The following PDIA5 variants were observed in gnomAD, a reference collection of about 807,000 sequenced individuals.
PDIA5 encodes protein disulfide isomerase family A member 5.
In PDIA5, 58 loss-of-function variants were observed where a neutral mutation model predicts 77.6. The ratio of observed to expected loss-of-function variants is 0.75; its 90% CI spans 0.61 to 0.93. PDIA5 has a LOEUF of 0.93. PDIA5 is among the 40% of genes least tolerant of loss of function. The pLI is 0.00. For synonymous variants in PDIA5, 250 were observed against 252.1 expected (o/e 0.99, Z 0.08); for missense variants, 630 against 647.7 (o/e 0.97, Z 0.30).
intron 1 of PDIA5, among the ~76,000 whole-genome samples, chr3:123,078,508 T>TATAATATATG (rs1933914035): frequency 6.6e-6 from 1 of 152,234 alleles, no homozygotes; most frequent in South Asian, 2.1e-4. Context: ...ATGCCCTTTA[T>TATAATATATG]CTCAATTCCA....
At chr3:123,114,741 C>T (rs985786710) in intron 7 of PDIA5, among the ~76,000 whole-genome samples, 22 of 152,362 alleles carry the variant, frequency 1.4e-4, no homozygotes, top group African/African-American at 4.6e-4. Flanking sequence ...GGTGTTCGCA[C>T]TGAGGTGGCA....
rs150165151 is a variant in PDIA5 at position 123,131,839 on chromosome 3, G to A, written c.910+1223G>A. On this transcript the variant is annotated intron_variant, in intron 11 of 16. Transcript: ENST00000316218. ...CCCCTGGGAAGGCAGACAAGGCCGC[G>A]TGAGAGCCAGGGGATGGCAGGTGTG... Among the ~76,000 whole-genome samples, 436 of 152,040 alleles carry A rather than the reference G, an allele frequency of 2.9e-3. 5 individuals carry two copies. Among genetic ancestry groups the A allele is most frequent in the East Asian group, 0.02 (105 of 5,168 alleles).
intron 11 of PDIA5, among the ~76,000 whole-genome samples, chr3:123,142,306 T>C (rs1423211076): frequency 6.6e-6 from 1 of 152,268 alleles, no homozygotes; most frequent in Non-Finnish European, 1.5e-5. Flanking sequence ...AAATGGGCTT[T>C]TGCGGTTGCC....
chr3:123,133,862 T>C (rs564260437), intron 11 of PDIA5, among the ~76,000 whole-genome samples: 2 of 152,330 alleles, frequency 1.3e-5, no homozygotes, highest in South Asian at 2.1e-4. Flanking sequence ...GTAATACATG[T>C]ACATTTTATC....
chr3:123,079,924 G>C (rs1362205525), intron 1 of PDIA5, among the ~76,000 whole-genome samples: 1 of 152,020 alleles, frequency 6.6e-6, no homozygotes, highest in African/African-American at 2.4e-5. Context: ...GAGAGCCTAG[G>C]TATTTATTTC....
intron 7 of PDIA5, among the ~76,000 whole-genome samples, chr3:123,112,758 C>G (rs1934896557): frequency 1.3e-5 from 2 of 152,056 alleles, no homozygotes; most frequent in South Asian, 4.1e-4. Context: ...TGGGGCTTCA[C>G]CATGTTGCCC....
chr3:123,114,868 C>T (rs1934956302), intron 7 of PDIA5, among the ~76,000 whole-genome samples: 1 of 152,154 alleles, frequency 6.6e-6, no homozygotes, highest in Non-Finnish European at 1.5e-5. Flanking sequence ...AACTTAAGCC[C>T]AGGGTTCGCG....
chr3:123,103,403 C>A (rs2107934045), intron 5 of PDIA5, among the ~76,000 whole-genome samples: 1 of 152,338 alleles, frequency 6.6e-6, no homozygotes, highest in East Asian at 1.9e-4. Flanking sequence ...TCCCTTCCTC[C>A]AGCCTGTCTT....
intron 6 of PDIA5, among the ~76,000 whole-genome samples, chr3:123,107,939 C>A (rs1041797127): frequency 6.6e-6 from 1 of 152,166 alleles, no homozygotes; most frequent in Non-Finnish European, 1.5e-5. Context: ...AGTGGGACTA[C>A]AGGCACATGC....
intron 1 of PDIA5, among the ~76,000 whole-genome samples, chr3:123,079,426 C>A (rs371571949): frequency 1.3e-5 from 2 of 152,204 alleles, no homozygotes; most frequent in East Asian, 3.9e-4. Flanking sequence ...GTGATCCGCC[C>A]ACCTCGGCCT....
At chr3:123,128,103 T>C (rs1375419599) in intron 10 of PDIA5, among the ~76,000 whole-genome samples, 1 of 152,154 alleles carries the variant, frequency 6.6e-6, no homozygotes. Flanking sequence ...AGTCATCTCC[T>C]GGGTGGGAGA....
At chr3:123,136,478 C>T (rs1325113024) in intron 11 of PDIA5, among the ~76,000 whole-genome samples, 3 of 152,068 alleles carry the variant, frequency 2.0e-5, no homozygotes, top group Non-Finnish European at 2.9e-5. Flanking sequence ...TGGTGGCTCA[C>T]GCCTGTAATC....
chr3:123,156,582 A>T (rs1430430290), intron 15 of PDIA5, among the ~76,000 whole-genome samples: 1 of 152,144 alleles, frequency 6.6e-6, no homozygotes, highest in Non-Finnish European at 1.5e-5. Flanking sequence ...CTCTGTATTG[A>T]CGTCCATCAC....
chr3:123,103,710 G>A (rs1046955386), intron 5 of PDIA5, among the ~76,000 whole-genome samples: 2 of 152,052 alleles, frequency 1.3e-5, no homozygotes, highest in Non-Finnish European at 2.9e-5. Context: ...AATTGCTACA[G>A]CGTTCACCTT....
chr3:123,118,057 A>G (rs1307884145), intron 8 of PDIA5, among the ~76,000 whole-genome samples: 2 of 152,202 alleles, frequency 1.3e-5, no homozygotes, highest in Non-Finnish European at 2.9e-5. Flanking sequence ...GATTAGCTCA[A>G]AGTCAACTTA....
At chr3:123,128,018 T>G (rs771622372) in intron 10 of PDIA5, among the ~76,000 whole-genome samples, 18 of 152,170 alleles carry the variant, frequency 1.2e-4, no homozygotes, top group Non-Finnish European at 2.4e-4. Context: ...AGACTCTCAC[T>G]CAGTCCCTCT....
At chr3:123,136,182 G>T (rs968198057) in intron 11 of PDIA5, among the ~76,000 whole-genome samples, 1 of 152,086 alleles carries the variant, frequency 6.6e-6, no homozygotes, top group Non-Finnish European at 1.5e-5. Context: ...TGATTCTCCT[G>T]CCTCGGCCTC....
chr3:123,103,494 G>C (rs1015983109), intron 5 of PDIA5, among the ~76,000 whole-genome samples: 2 of 152,062 alleles, frequency 1.3e-5, no homozygotes, highest in African/African-American at 4.8e-5. Context: ...TAACCCTCCT[G>C]TTTCCCACAC....
chr3:123,111,005 G>C lies in PDIA5; in HGVS notation c.541+1G>C, dbSNP rs1934848913. ...CTCCTGATCATGTTTTATGCCCCCTGTGAGTGAACTTTCTCCCTTGGGCCA... is the reference window on the plus strand; with the variant it reads ...CTCCTGATCATGTTTTATGCCCCCTCTGAGTGAACTTTCTCCCTTGGGCCA... On this transcript the variant is annotated splice_donor_variant, in intron 7 of 16. Transcript: ENST00000316218. LOFTEE classifies it high-confidence loss of function. 6.2e-7 allele frequency: 1 copy of C among 1,612,534 alleles called. No individual in the cohort carries two copies. The highest frequency in any genetic ancestry group is 1.7e-5 in the Admixed American group (1 of 59,974).
Sources: gnomAD v4.1 joint callset for allele counts (sites outside exome capture counted in the v4.1 genomes callset) on GRCh38, gnomAD v4.1.1 for gene constraint, MANE v1.5 for transcripts, NCBI Gene and HGNC (gene_info 2026-07-23, HGNC 2026-07-21) for gene names.